C1GALT1: variants seen among roughly 807,000 people sequenced by gnomAD.
The protein encoded by C1GALT1 is core 1 synthase, glycoprotein-N-acetylgalactosamine 3-beta-galactosyltransferase 1.
Under a neutral mutation model 31.0 loss-of-function variants are expected in C1GALT1, and 11 were observed. That is an observed-to-expected ratio of 0.36 (90% CI 0.22 to 0.59). The LOEUF is 0.59. Ranked by LOEUF, C1GALT1 falls within the 20% of genes least tolerant of loss-of-function variation. The pLI is 0.79. For synonymous variants in C1GALT1, 175 were observed against 143.6 expected (o/e 1.22, Z -1.56); for missense variants, 424 against 425.2 (o/e 1.00, Z 0.03).
chr7:7,226,426 C>G (rs1358777620), intron 1 of C1GALT1, among the ~76,000 whole-genome samples: 1 of 151,902 alleles, frequency 6.6e-6, no homozygotes, highest in Non-Finnish European at 1.5e-5. Context: ...ACTGACTTCC[C>G]GAAAGCCTGA....
intron 1 of C1GALT1, among the ~76,000 whole-genome samples, chr7:7,228,136 A>C (rs572796710): frequency 1.3e-5 from 2 of 152,270 alleles, no homozygotes; most frequent in East Asian, 3.9e-4. Flanking sequence ...TACCTCTCCT[A>C]TTTTTGTTAT....
chr7:7,187,203 T>G (rs1425030017), intron 1 of C1GALT1, among the ~76,000 whole-genome samples: 1 of 152,074 alleles, frequency 6.6e-6, no homozygotes, highest in Non-Finnish European at 1.5e-5. Context: ...CCAGTTGTCC[T>G]CCTCAAAGGC....
At chr7:7,203,379 C>T (rs1007708120) in intron 1 of C1GALT1, among the ~76,000 whole-genome samples, 5 of 151,848 alleles carry the variant, frequency 3.3e-5, no homozygotes, top group Non-Finnish European at 7.4e-5. Context: ...GTGGGTTTCT[C>T]GTGAGTGTTT....
At chr7:7,183,125 C>G (rs982633049) in intron 1 of C1GALT1, among the ~76,000 whole-genome samples, 1 of 152,130 alleles carries the variant, frequency 6.6e-6, no homozygotes, top group African/African-American at 2.4e-5. Flanking sequence ...TCGCGCCCCT[C>G]TTCTGCTCGC....
intron 2 of C1GALT1, among the ~76,000 whole-genome samples, chr7:7,167,359 C>T (rs6957306): frequency 0.19 from 29,554 of 152,052 alleles, 3,497 homozygotes; most frequent in East Asian, 0.4. Flanking sequence ...GAAACATTTG[C>T]TTTCCTGGAT....
At chr7:7,237,383 T>A (rs1783413207) in intron 2 of C1GALT1, among the ~76,000 whole-genome samples, 1 of 152,230 alleles carries the variant, frequency 6.6e-6, no homozygotes. Flanking sequence ...TTACGCTCAC[T>A]GCTTACTTAA....
intron 2 of C1GALT1, among the ~76,000 whole-genome samples, chr7:7,176,231 C>G (rs1780504643): frequency 1.3e-5 from 2 of 150,996 alleles, no homozygotes; most frequent in African/African-American, 2.4e-5. Flanking sequence ...TGAATAGAAA[C>G]AAGAAAAGGT....
intron 1 of C1GALT1, among the ~76,000 whole-genome samples, chr7:7,219,172 G>T (rs1052092902): frequency 2.6e-5 from 4 of 152,166 alleles, no homozygotes; most frequent in African/African-American, 9.7e-5. Context: ...TACATGATTT[G>T]TGTTAACAGG....
intron 2 of C1GALT1, chr7:7,235,027 C>T (rs1487448252): frequency 6.6e-6 from 1 of 152,496 alleles, no homozygotes; most frequent in African/African-American, 2.4e-5. Flanking sequence ...CTAAAGACTT[C>T]ATTTTCTCCT....
intron 3 of C1GALT1, among the ~76,000 whole-genome samples, chr7:7,242,983 T>C (rs940507336): frequency 1.3e-5 from 2 of 152,120 alleles, no homozygotes; most frequent in African/African-American, 4.8e-5. Context: ...GCCCACAAAA[T>C]TTGGGTTCAA....
In C1GALT1 at chr7:7,244,485, GT is replaced by G. The variant is rs1452364007; in HGVS notation, c.*760del. ...CTATTAACATTAATTTACTCAAACC[GT>G]TCATAGCATTCTGTAAACATGTATT... On this transcript the variant is annotated 3_prime_UTR_variant, in exon 4 of 4. Coordinates refer to ENST00000436587, the MANE Select transcript of C1GALT1 (RefSeq NM_020156.5). 6.6e-6 allele frequency: 1 copy of G among 151,962 alleles called. No individual in the cohort carries two copies. The highest frequency in any genetic ancestry group is 2.4e-5 in the African/African-American group (1 of 41,364). 9.4% of individuals were successfully genotyped at this position (151,962 alleles called of 1,614,324 possible).
chr7:7,201,630 C>G (rs953332382), intron 1 of C1GALT1, among the ~76,000 whole-genome samples: 1 of 152,174 alleles, frequency 6.6e-6, no homozygotes, highest in Non-Finnish European at 1.5e-5. Flanking sequence ...CAGGCCTCAC[C>G]CAGCTCCCAC....
intron 1 of C1GALT1, among the ~76,000 whole-genome samples, chr7:7,202,776 C>A (rs1404240126): frequency 3.9e-5 from 6 of 152,098 alleles, no homozygotes; most frequent in Admixed American, 1.3e-4. Flanking sequence ...GTTGGGATTT[C>A]AGTAGGAACT....
upstream of C1GALT1, among the ~76,000 whole-genome samples, chr7:7,178,903 G>A (rs1011875648): frequency 1.3e-5 from 2 of 152,162 alleles, no homozygotes; most frequent in East Asian, 3.9e-4. Flanking sequence ...CACTGTTTCT[G>A]TGGCCTAGGA....
intron 2 of C1GALT1, among the ~76,000 whole-genome samples, chr7:7,165,699 A>G (rs1033360094): frequency 5.3e-5 from 8 of 152,166 alleles, no homozygotes; most frequent in African/African-American, 1.9e-4. Context: ...GTAAGCACCA[A>G]TTTATGATCA....
In C1GALT1 at chr7:7,234,457, T is replaced by C; in HGVS notation, c.138T>C (p.Pro46=). The change falls in exon 2 of 4, where the codon CCT becomes CCC. Residue 46 remains proline (P), a synonymous_variant. Coordinates refer to ENST00000436587, the MANE Select transcript of C1GALT1 (RefSeq NM_020156.5). The part of the protein sequence containing the change: ...DTQPNVLHND[P]HARHSDDNGQ... ...AGCCTAATGTTCTTCATAATGATCC[T>C]CATGCAAGGCATTCAGATGATAATG... The C allele has an allele frequency of 6.2e-7, 1 of 1,613,978 alleles. No homozygotes were observed. Among genetic ancestry groups the C allele is most frequent in the Non-Finnish European group, 8.5e-7 (1 of 1,179,910 alleles).
intron 2 of C1GALT1, among the ~76,000 whole-genome samples, chr7:7,158,137 C>T (rs115655136): frequency 0.021 from 3,246 of 152,264 alleles, 113 homozygotes; most frequent in African/African-American, 0.074. Flanking sequence ...TACTATATCC[C>T]TCTGAAGTTT....
intron 2 of C1GALT1, among the ~76,000 whole-genome samples, chr7:7,171,246 TC>T (rs367943060): frequency 2.2e-3 from 339 of 152,288 alleles, no homozygotes; most frequent in African/African-American, 7.9e-3. Flanking sequence ...TGCCTTTAAT[TC>T]TGTCAATATT....
At chr7:7,226,525 A>G (rs963132299) in intron 1 of C1GALT1, among the ~76,000 whole-genome samples, 1 of 152,208 alleles carries the variant, frequency 6.6e-6, no homozygotes, top group East Asian at 1.9e-4. Flanking sequence ...AAAACCAAGC[A>G]TAAGAGAAGA....
Sources: gnomAD v4.1 joint callset for allele counts (sites outside exome capture counted in the v4.1 genomes callset) on GRCh38, gnomAD v4.1.1 for gene constraint, MANE v1.5 for transcripts, NCBI Gene and HGNC (gene_info 2026-07-23, HGNC 2026-07-21) for gene names.